Variants in GRIK1 observed in about 807,000 individuals in gnomAD.
The protein encoded by GRIK1 is glutamate ionotropic receptor kainate type subunit 1.
GRIK1 carries 69 observed loss-of-function variants against 105.7 expected under a neutral mutation model. That is an observed-to-expected ratio of 0.65 (90% confidence interval 0.54 to 0.80). The LOEUF is 0.80. Among genes scored for constraint, GRIK1 ranks in the 30% least tolerant of loss-of-function variants. The pLI is 0.00. For missense variants in GRIK1, 1,109 were observed against 1,167.3 expected, an observed-to-expected ratio of 0.95 and a Z score of 0.73; for synonymous variants, 438 against 431.3, an observed-to-expected ratio of 1.02 and a Z score of -0.19.
At chr21:29,655,368 A>G (rs1194071672) in intron 4 of GRIK1, among the ~76,000 whole-genome samples, 1 of 151,990 alleles carries the variant, frequency 6.6e-6, no homozygotes, top group Non-Finnish European at 1.5e-5. Context: ...AGACTGTACC[A>G]TTGCACTCCA....
chr21:29,822,535 C>T (rs529093463), intron 1 of GRIK1, among the ~76,000 whole-genome samples: 1 of 152,000 alleles, frequency 6.6e-6, no homozygotes, highest in Non-Finnish European at 1.5e-5. Context: ...TCCACAACCC[C>T]TTGCAACAAG....
At chr21:29,719,444 T>G (rs1322896915) in intron 1 of GRIK1, among the ~76,000 whole-genome samples, 1 of 152,174 alleles carries the variant, frequency 6.6e-6, no homozygotes, top group East Asian at 1.9e-4. Flanking sequence ...GCAGAGCTTG[T>G]TCCTTTATCT....
At chr21:29,605,129 G>A (rs2061588343) in intron 7 of GRIK1, among the ~76,000 whole-genome samples, 1 of 152,096 alleles carries the variant, frequency 6.6e-6, no homozygotes, top group African/African-American at 2.4e-5. Flanking sequence ...GTAAACGTGT[G>A]CCATGGTGTT....
At chr21:29,859,214 G>A (rs1465170819) in intron 1 of GRIK1, among the ~76,000 whole-genome samples, 3 of 151,142 alleles carry the variant, frequency 2.0e-5, no homozygotes, top group Non-Finnish European at 4.4e-5. Context: ...GCCTGTTGTG[G>A]GGTGGGGGGA....
chr21:29,918,357 A>C (rs2071072894), intron 1 of GRIK1, among the ~76,000 whole-genome samples: 1 of 152,122 alleles, frequency 6.6e-6, no homozygotes, highest in Non-Finnish European at 1.5e-5. Context: ...TCAAAAGCCC[A>C]GCGAAGTAGA....
rs1568813080 is a variant in GRIK1, at chr21:29,560,343, CTTTCTTTCTTTCTTTTTCTTT to C, written c.2356+1260_2356+1280del. ...TCTTTCTTTCTTTCTTTCTTTCTTT[CTTTCTTTCTTTCTTTTTCTTT>C]CTTCCTTCCTTCCTTCCTTCCTTCC... On this transcript the variant is annotated intron_variant, in intron 15 of 17. Coordinates refer to ENST00000327783, the MANE Select transcript of GRIK1 (RefSeq NM_001330994.2). Among the ~76,000 whole-genome samples the C allele has an allele frequency of 9.6e-4, 105 of 109,270 alleles. 1 individual carries two copies. Among genetic ancestry groups the C allele is most frequent in the Non-Finnish European group, 8.9e-4 (48 of 53,854 alleles). 71.7% of individuals were successfully genotyped at this position (109,270 alleles called of 152,430 possible).
chr21:29,572,815 G>A (rs2090784724), intron 14 of GRIK1, among the ~76,000 whole-genome samples: 1 of 151,834 alleles, frequency 6.6e-6, no homozygotes, highest in African/African-American at 2.4e-5. Context: ...TTGTTGCCCA[G>A]GCTGGAATGC....
At chr21:29,893,990 G>A (rs538740939) in intron 1 of GRIK1, among the ~76,000 whole-genome samples, 156 of 152,100 alleles carry the variant, frequency 1.0e-3, no homozygotes, top group Non-Finnish European at 1.8e-3. Context: ...AAAACAGAGG[G>A]CAGGTGCTAG....
intron 1 of GRIK1, among the ~76,000 whole-genome samples, chr21:29,784,937 A>C (rs925138952): frequency 6.6e-6 from 1 of 152,228 alleles, no homozygotes; most frequent in African/African-American, 2.4e-5. Flanking sequence ...CCATGTAGGC[A>C]AACAGAAACA....
chr21:29,939,605 G>T lies in GRIK1; in HGVS notation c.-105C>A. On this transcript the variant is annotated 5_prime_UTR_variant, in exon 1 of 18. Coordinates refer to ENST00000327783, the MANE Select transcript of GRIK1 (RefSeq NM_001330994.2). ...CGCCTCATCCTCTCTGGATGCTCCGGTTCCAAGCACGCTGCGCGCTCCCCA... is the reference window on the plus strand; with the variant it reads ...CGCCTCATCCTCTCTGGATGCTCCGTTTCCAAGCACGCTGCGCGCTCCCCA... 1 of 672,910 alleles carries T rather than the reference G, an allele frequency of 1.5e-6. No homozygotes were observed. Among genetic ancestry groups the T allele is most frequent in the Non-Finnish European group, 2.4e-6 (1 of 409,802 alleles). 41.7% of individuals were successfully genotyped at this position (672,910 alleles called of 1,614,324 possible). A position where few individuals can be genotyped will look rare whatever the true frequency, so the allele number is the denominator to read the frequency against.
At chr21:29,643,011 G>T (rs780274298) in intron 6 of GRIK1, 42 bp from the exon 7 acceptor site, 8 of 1,593,578 alleles carry the variant, frequency 5.0e-6, no homozygotes, top group African/African-American at 1.3e-5. Flanking sequence ...TTCCACTTTT[G>T]CTTACCTTCC....
chr21:29,923,041 T>TTATGTG (rs949049974), intron 1 of GRIK1, among the ~76,000 whole-genome samples: 2 of 152,276 alleles, frequency 1.3e-5, no homozygotes, highest in South Asian at 4.1e-4. Flanking sequence ...TTGTGTGTGT[T>TTATGTG]TATGTGTATG....
chr21:29,620,623 G>A (rs141193547), intron 7 of GRIK1, among the ~76,000 whole-genome samples: 1 of 151,128 alleles, frequency 6.6e-6, no homozygotes, highest in African/African-American at 2.4e-5. Context: ...TTTTCTCTGA[G>A]GCTGAGATAC....
At chr21:29,709,087 C>G (rs1291380398) in intron 1 of GRIK1, among the ~76,000 whole-genome samples, 1 of 152,004 alleles carries the variant, frequency 6.6e-6, no homozygotes, top group Non-Finnish European at 1.5e-5. Flanking sequence ...CACCTACACA[C>G]ATATATGTCT....
chr21:29,603,097 G>A (rs2061548158), intron 7 of GRIK1, among the ~76,000 whole-genome samples: 1 of 152,072 alleles, frequency 6.6e-6, no homozygotes, highest in Non-Finnish European at 1.5e-5. Context: ...AGGATAGACA[G>A]AATTTCATAA....
At chr21:29,845,954 AG>A in intron 1 of GRIK1, among the ~76,000 whole-genome samples, 1 of 152,270 alleles carries the variant, frequency 6.6e-6, no homozygotes, top group South Asian at 2.1e-4. Context: ...CCTTCCAAAA[AG>A]GTAGGGCTCA....
rs374892562 is a variant in GRIK1 at position 29,611,180 on chromosome 21, G to A, written c.1099-12243C>T. ...GGATGATTTAATCCTCTAGAGGATT[G>A]TACTTTTGTTTGTTTTACTATTTTC... On this transcript the variant is annotated intron_variant, in intron 7 of 17. Transcript: ENST00000327783. 4.6e-5 allele frequency among the ~76,000 whole-genome samples: 7 copies of A among 152,260 alleles called. No homozygotes were observed. In the South Asian group the frequency reaches 1.5e-3, roughly 32 times the overall value.
intron 2 of GRIK1, among the ~76,000 whole-genome samples, chr21:29,692,195 C>G (rs924140295): frequency 1.3e-5 from 2 of 152,218 alleles, no homozygotes; most frequent in African/African-American, 4.8e-5. Context: ...GGGTGTTTAA[C>G]TGACAAGTAA....
chr21:29,723,797 A>G (rs1315517888), intron 1 of GRIK1, among the ~76,000 whole-genome samples: 1 of 151,526 alleles, frequency 6.6e-6, no homozygotes, highest in Non-Finnish European at 1.5e-5. Flanking sequence ...TTTTTTTTGG[A>G]ACTCCAATAT....
Sources: gnomAD v4.1 joint callset for allele counts (sites outside exome capture counted in the v4.1 genomes callset) on GRCh38, gnomAD v4.1.1 for gene constraint, MANE v1.5 for transcripts, NCBI Gene and HGNC (gene_info 2026-07-23, HGNC 2026-07-21) for gene names.